The following HDAC4 variants were observed in gnomAD, a reference collection of about 807,000 sequenced individuals.
HDAC4 encodes histone deacetylase 4, also known as histone deacetylase A.
In HDAC4, 16 loss-of-function variants were observed where a neutral mutation model predicts 135.1. That is an observed-to-expected ratio of 0.12 (90% CI 0.08 to 0.18). The LOEUF (loss-of-function observed/expected upper bound fraction) is 0.18. Ranked by LOEUF, HDAC4 falls within the 10% of genes least tolerant of loss-of-function variation. HDAC4 has a pLI of 1.00. For synonymous variants in HDAC4, 685 were observed against 653.4 expected (o/e 1.05, Z -0.74); for missense variants, 1,143 against 1,511.8 (o/e 0.76, Z 4.05).
intron 1 of HDAC4, among the ~76,000 whole-genome samples, chr2:239,356,336 C>T (rs1693487797): frequency 6.6e-6 from 1 of 152,156 alleles, no homozygotes; most frequent in Non-Finnish European, 1.5e-5. Context: ...ACTGTCTCAA[C>T]ACCCCATTTA....
rs1691615261 is a variant in HDAC4, at chr2:239,331,994, G to C, written c.22+20684C>G. Among the ~76,000 whole-genome samples the C allele has an allele frequency of 6.6e-6, 1 of 152,130 alleles. No individual in the cohort carries two copies. The highest frequency in any genetic ancestry group is 2.1e-4 in the South Asian group (1 of 4,816). The stretch of plus-strand genomic sequence containing the variant: ...CGTAAGAAGGGATACAAGAGGGAAA[G>C]GTGGACATTTCACAGTAACAAAAAG... On this transcript the variant is annotated intron_variant, in intron 2 of 26. Coordinates refer to ENST00000543185, the MANE Select transcript of HDAC4 (RefSeq NM_001378414.1). The surrounding 1 kb of genome is among the most constrained non-coding windows in gnomAD (Gnocchi z 4.5).
At chr2:239,297,699 G>A (rs1482834619) in intron 2 of HDAC4, among the ~76,000 whole-genome samples, 1 of 152,216 alleles carries the variant, frequency 6.6e-6, no homozygotes, top group Non-Finnish European at 1.5e-5. Flanking sequence ...GCACCACGCT[G>A]TCACCATGAG....
intron 2 of HDAC4, among the ~76,000 whole-genome samples, chr2:239,320,795 G>A (rs550988189): frequency 6.6e-6 from 1 of 152,252 alleles, no homozygotes; most frequent in Non-Finnish European, 1.5e-5. Context: ...TTAAGACAAG[G>A]CCTCTAGAGT....
intron 3 of HDAC4, among the ~76,000 whole-genome samples, chr2:239,203,558 A>T (rs1475245178): frequency 6.6e-6 from 1 of 152,174 alleles, no homozygotes; most frequent in Non-Finnish European, 1.5e-5. Flanking sequence ...TTTAACTGAA[A>T]CAGACTTGGG....
intron 1 of HDAC4, among the ~76,000 whole-genome samples, chr2:239,391,852 T>A (rs1250527561): frequency 6.6e-6 from 1 of 152,170 alleles, no homozygotes; most frequent in Non-Finnish European, 1.5e-5. Context: ...CCCACGTGCC[T>A]CAGCTCTGGC....
chr2:239,345,374 T>C (rs1367727315), intron 2 of HDAC4, among the ~76,000 whole-genome samples: 1 of 152,014 alleles, frequency 6.6e-6, no homozygotes, highest in Non-Finnish European at 1.5e-5. Flanking sequence ...CATGGTGAGA[T>C]TCGGTCTCCA....
At chr2:239,101,998 G>A (rs1205008998) in intron 16 of HDAC4, among the ~76,000 whole-genome samples, 2 of 147,008 alleles carry the variant, frequency 1.4e-5, no homozygotes, top group African/African-American at 5.0e-5. Flanking sequence ...CTGGGTCCAC[G>A]TTCTGTGCCC....
At chr2:239,112,333 T>G (rs1202177048) in intron 13 of HDAC4, among the ~76,000 whole-genome samples, 6 of 152,212 alleles carry the variant, frequency 3.9e-5, no homozygotes, top group African/African-American at 4.8e-5. Context: ...CATGCCAAAC[T>G]TGGGCGAGAA....
At chr2:239,279,740 G>A (rs1293772562) in intron 2 of HDAC4, among the ~76,000 whole-genome samples, 3 of 152,340 alleles carry the variant, frequency 2.0e-5, no homozygotes, top group East Asian at 1.9e-4. Context: ...CAGGCCCGCA[G>A]GGGGCATGGG....
chr2:239,080,371 C>G (rs2035192006), intron 22 of HDAC4, among the ~76,000 whole-genome samples: 1 of 152,230 alleles, frequency 6.6e-6, no homozygotes, highest in Non-Finnish European at 1.5e-5. Context: ...GCTAATAAAA[C>G]CCTTCTCCTC....
chr2:239,088,137 G>A (rs927904675), intron 18 of HDAC4, among the ~76,000 whole-genome samples: 6 of 152,204 alleles, frequency 3.9e-5, no homozygotes, highest in African/African-American at 1.4e-4. Flanking sequence ...GGCAGCCCAC[G>A]AAACAGCTCC....
At position 239,370,104 on chromosome 2, in the gene HDAC4, T is replaced by C. The variant is rs113663546; in HGVS notation, c.-219-17186A>G. Among the ~76,000 whole-genome samples, 521 of 152,316 alleles carry C rather than the reference T, an allele frequency of 3.4e-3. 2 individuals are homozygous for C. Among genetic ancestry groups the C allele is most frequent in the African/African-American group, 0.012 (496 of 41,578 alleles). ...AGGACGGCAGGCCGTCTGCCCTGTG[T>C]CCCCGGGACTGGCAGGTCAGTGAGG... is the stretch of plus-strand genomic sequence containing the variant. On this transcript the variant is annotated intron_variant, in intron 1 of 26. Coordinates refer to ENST00000543185, the MANE Select transcript of HDAC4 (RefSeq NM_001378414.1).
At chr2:239,363,998 C>T (rs1457251415) in intron 1 of HDAC4, among the ~76,000 whole-genome samples, 1 of 152,126 alleles carries the variant, frequency 6.6e-6, no homozygotes. Flanking sequence ...CAGGGAAACG[C>T]GATAAAGCCA....
chr2:239,224,265 AC>A (rs2047123354), intron 3 of HDAC4, among the ~76,000 whole-genome samples: 1 of 151,814 alleles, frequency 6.6e-6, no homozygotes, highest in South Asian at 2.1e-4. Flanking sequence ...CACTCCACCT[AC>A]CCGGACTGAG....
At chr2:239,399,071 G>A (rs951135166) in intron 1 of HDAC4, among the ~76,000 whole-genome samples, 4 of 152,206 alleles carry the variant, frequency 2.6e-5, no homozygotes, top group Admixed American at 1.3e-4. Context: ...CCACACAAAT[G>A]TGAGTTCTTC....
intron 15 of HDAC4, 57 bp downstream of exon 15, chr2:239,107,993 G>A: frequency 2.5e-6 from 4 of 1,604,922 alleles, no homozygotes; most frequent in Non-Finnish European, 2.5e-6. Flanking sequence ...GGCCCACGAG[G>A]GTCCCCTCTA....
Position 239,361,043 on chromosome 2 carries a change from C to T in HDAC4, c.-219-8125G>A, listed in dbSNP as rs182298880. ...GATCGCCCCACCCCAGACGCTCATT[C>T]CTGTCACCCTACTTTCTTGCCCTTC... On this transcript the variant is annotated intron_variant, in intron 1 of 26. Transcript: ENST00000543185. Among the ~76,000 whole-genome samples, 118 of 152,320 alleles carry T rather than the reference C, an allele frequency of 7.7e-4. 1 individual carries two copies. The highest frequency in any genetic ancestry group is 2.7e-3 in the African/African-American group (112 of 41,568).
Position 239,053,561 on chromosome 2 carries a change from C to A in HDAC4, c.3129G>T (p.Ala1043=). The change falls in exon 26 of 27, where the codon GCG becomes GCT. Residue 1043 remains alanine, a synonymous_variant. Coordinates refer to ENST00000543185, the MANE Select transcript of HDAC4 (RefSeq NM_001378414.1). ...TCTGAGCCTCGATCAGAGAACGCCC[C>A]GCTGTGGAGGTTGTGCGCTGCAGGC... ...WRCLQRTTST[A]GRSLIEAQTC... The A allele has an allele frequency of 6.2e-7, 1 of 1,613,978 alleles. No individual in the cohort carries two copies. Among genetic ancestry groups the A allele is most frequent in the Non-Finnish European group, 8.5e-7 (1 of 1,179,996 alleles).
intron 2 of HDAC4, among the ~76,000 whole-genome samples, chr2:239,266,791 GCCAGCACTGAC>G (rs1485320358): frequency 6.6e-6 from 1 of 152,128 alleles, no homozygotes; most frequent in Admixed American, 6.5e-5. Context: ...CCTTCACTTA[GCCAGCACTGAC>G]GGTGTCTACA....
Sources: allele counts gnomAD v4.1 joint callset (sites outside exome capture counted in the v4.1 genomes callset), GRCh38; gene constraint gnomAD v4.1.1; non-coding constraint Gnocchi (gnomAD v3.1); transcripts MANE v1.5; gene names NCBI Gene and HGNC (gene_info 2026-07-23, HGNC 2026-07-21).